BTN3A1: variants seen among roughly 807,000 people sequenced by gnomAD.
BTN3A1 encodes butyrophilin subfamily 3 member A1.
In BTN3A1, 24 loss-of-function variants were observed where a neutral mutation model predicts 43.0. The ratio of observed to expected loss-of-function variants is 0.56; its 90% CI spans 0.40 to 0.78. The LOEUF (loss-of-function observed/expected upper bound fraction) is 0.78. Ranked by LOEUF, BTN3A1 falls within the 30% of genes least tolerant of loss-of-function variation. BTN3A1 has a pLI of 0.00. For missense variants in BTN3A1, 533 were observed against 626.2 expected (o/e 0.85, Z 1.59); for synonymous variants, 181 against 234.7 (o/e 0.77, Z 2.09).
intron 3 of BTN3A1, among the ~76,000 whole-genome samples, chr6:26,407,116 T>A (rs1393204693): frequency 6.6e-6 from 1 of 152,228 alleles, no homozygotes; most frequent in East Asian, 1.9e-4. Flanking sequence ...CAAAGTGCCA[T>A]CATCTGATGC....
intron 4 of BTN3A1, among the ~76,000 whole-genome samples, chr6:26,408,635 T>C (rs555874130): frequency 2.0e-5 from 3 of 152,244 alleles, no homozygotes; most frequent in Non-Finnish European, 4.4e-5. Flanking sequence ...GGAATTTATT[T>C]GGTAGATAAG....
At chr6:26,411,447 G>C in intron 8 of BTN3A1, 108 bp from the exon 9 acceptor site, 1 of 1,390,224 alleles carries the variant, frequency 7.2e-7, no homozygotes, top group Non-Finnish European at 1.0e-6. Flanking sequence ...CTGGACCCTG[G>C]AAGAGACTCT....
At chr6:26,407,107 A>G (rs1230062609) in intron 3 of BTN3A1, among the ~76,000 whole-genome samples, 2 of 152,220 alleles carry the variant, frequency 1.3e-5, no homozygotes, top group African/African-American at 4.8e-5. Flanking sequence ...TCATAGTCAC[A>G]AAGTGCCATC....
Position 26,410,033 on chromosome 6 carries a change from G to A in BTN3A1, c.964+1G>A, listed in dbSNP as rs772440592. On this transcript the variant is annotated splice_donor_variant, in intron 7 of 9. Transcript: ENST00000289361. LOFTEE classifies it high-confidence loss of function. ...TGGAGAAGTATCCAGTATGCATCTC[G>A]TAAGTGCCTCTGACATTTTCTCTGA... 5.0e-6 allele frequency: 8 copies of A among 1,613,998 alleles called. No homozygotes were observed. The highest frequency in any genetic ancestry group is 5.9e-6 in the Non-Finnish European group (7 of 1,179,972).
rs1363255875 is a variant in BTN3A1, at chr6:26,410,009, G to A, written c.941G>A (p.Trp314Ter). 6.2e-7 allele frequency: 1 copy of A among 1,614,008 alleles called. No individual in the cohort carries two copies. Among genetic ancestry groups the A allele is most frequent in the African/African-American group, 1.3e-5 (1 of 74,896 alleles). Residue 314 changes from tryptophan to a stop codon, truncating the protein, a stop_gained, in exon 7 of 10, where the codon TGG (tryptophan) becomes TAG (stop). Transcript: ENST00000289361. LOFTEE classifies it high-confidence loss of function. ...TRVKLLEELR[W>*]RSIQYASRGE... Reference sequence around the variant, plus strand: ...TCCCCTGTTCCTTCCGTTGCAGGATGGAGAAGTATCCAGTATGCATCTCGT... The same window carrying A: ...TCCCCTGTTCCTTCCGTTGCAGGATAGAGAAGTATCCAGTATGCATCTCGT...
chr6:26,405,078 G>T (rs1256451224), intron 1 of BTN3A1, among the ~76,000 whole-genome samples: 1 of 152,212 alleles, frequency 6.6e-6, no homozygotes, highest in Non-Finnish European at 1.5e-5. Context: ...CCCCCACCAA[G>T]CAGTCTTCCT....
chr6:26,414,128 A>AATG lies in BTN3A1; in HGVS notation c.*438_*439insGAT. 1 of 229,394 alleles carries AATG rather than the reference A, an allele frequency of 4.4e-6. No individual in the cohort carries two copies. Among genetic ancestry groups the AATG allele is most frequent in the South Asian group, 5.9e-5 (1 of 16,938 alleles). The allele number at this position is 229,394 out of a possible 1,614,324, so 14.2% of individuals were successfully genotyped here. ...GAGCTTTGGTGGATGTCACTCCTTTAATCCTCGCAACACCCTGTCGGGTAG... is the reference window on the plus strand; with the variant it reads ...GAGCTTTGGTGGATGTCACTCCTTTAATGATCCTCGCAACACCCTGTCGGGTAG... On this transcript the variant is annotated 3_prime_UTR_variant, in exon 10 of 10. Transcript: ENST00000289361.
chr6:26,403,296 C>T (rs1424725974), intron 1 of BTN3A1, among the ~76,000 whole-genome samples: 2 of 152,054 alleles, frequency 1.3e-5, no homozygotes, highest in African/African-American at 4.8e-5. Context: ...AAACTCCTGA[C>T]CTCAGGTGAT....
At position 26,413,170 on chromosome 6, in the gene BTN3A1, G is replaced by A. The variant is rs551529166; in HGVS notation, c.1020G>A (p.Ala340=). The part of the protein sequence containing the change: ...NEWKKALFKP[A]DVILDPKTAN... ...GACACTTCCTCAAACTCTCTGCAGC[G>A]GATGTGATTCTGGATCCAAAAACAG... The change falls in exon 10 of 10, where the codon GCG becomes GCA. Residue 340 remains alanine, a splice_region_variant and synonymous_variant. Transcript: ENST00000289361. 24 of 1,610,170 alleles carry A rather than the reference G, an allele frequency of 1.5e-5. No homozygotes were observed. The highest frequency in any genetic ancestry group is 9.3e-5 in the African/African-American group (7 of 74,968).
chr6:26,409,714 G>A lies in BTN3A1; in HGVS notation c.897G>A (p.Lys299=). 5 of 1,575,392 alleles carry A rather than the reference G, an allele frequency of 3.2e-6. No homozygotes were observed. The highest frequency in any genetic ancestry group is 4.3e-6 in the Non-Finnish European group (5 of 1,164,574). Reference sequence around the variant, plus strand: ...GAGAAATGGCATGGAGCACAATGAAGCAAGAACAAAGCACAAGAGGTAGCT... The same window carrying A: ...GAGAAATGGCATGGAGCACAATGAAACAAGAACAAAGCACAAGAGGTAGCT... ...ELREMAWSTM[K]QEQSTRVKLL... Residue 299 remains lysine, a synonymous_variant, in exon 5 of 10, where the codon AAG becomes AAA. Transcript: ENST00000289361.
At chr6:26,412,526 G>C in intron 9 of BTN3A1, 4 of 1,550,138 alleles carry the variant, frequency 2.6e-6, no homozygotes, top group Middle Eastern at 2.0e-4. Flanking sequence ...GGTGGAGAAA[G>C]CTGAAGGGTG....
chr6:26,407,885 G>A lies in BTN3A1; in HGVS notation c.648G>A (p.Glu216=), dbSNP rs1762075467. 6.2e-7 allele frequency: 1 copy of A among 1,614,218 alleles called. No homozygotes were observed. Among genetic ancestry groups the A allele is most frequent in the Non-Finnish European group, 8.5e-7 (1 of 1,180,030 alleles). ...ASVIMRGSSG[E]GVSCTIRSSL... Reference sequence around the variant, plus strand: ...TGATCATGAGAGGCAGCTCTGGGGAGGGTGTATCCTGTACCATCAGAAGTT... The same window carrying A: ...TGATCATGAGAGGCAGCTCTGGGGAAGGTGTATCCTGTACCATCAGAAGTT... The change falls in exon 4 of 10, where the codon GAG becomes GAA. Residue 216 remains glutamate (E), a synonymous_variant. Coordinates refer to ENST00000289361, the MANE Select transcript of BTN3A1 (RefSeq NM_007048.6).
chr6:26,404,909 T>G (rs1481215642), intron 1 of BTN3A1, among the ~76,000 whole-genome samples: 1 of 152,244 alleles, frequency 6.6e-6, no homozygotes, highest in African/African-American at 2.4e-5. Context: ...AACCCTTATA[T>G]CATGGGCCTG....
chr6:26,405,689 AC>A (rs1484233332), intron 2 of BTN3A1, 41 bp downstream of exon 2: 6 of 1,608,514 alleles, frequency 3.7e-6, no homozygotes, highest in Non-Finnish European at 5.1e-6. Flanking sequence ...GCAGACAATT[AC>A]CTAATTATGT....
Position 26,414,035 on chromosome 6 carries a change from C to A in BTN3A1, c.*343C>A, listed in dbSNP as rs184927970. ...AAGTAGACATGACTAGTTAACAACA[C>A]AGCTGGGATCTAAACAGCAATAACT... On this transcript the variant is annotated 3_prime_UTR_variant, in exon 10 of 10. Coordinates refer to ENST00000289361, the MANE Select transcript of BTN3A1 (RefSeq NM_007048.6). 1.4e-5 allele frequency: 5 copies of A among 352,508 alleles called. No individual in the cohort carries two copies. The highest frequency in any genetic ancestry group is 4.2e-5 in the African/African-American group (2 of 47,488). 21.8% of individuals were successfully genotyped at this position (352,508 alleles called of 1,614,324 possible).
intron 1 of BTN3A1, 147 bp downstream of exon 1, chr6:26,402,559 G>A (rs1761889829): frequency 6.6e-6 from 1 of 152,268 alleles, no homozygotes; most frequent in African/African-American, 2.4e-5. Context: ...GCACACATGT[G>A]GACACATGGA....
chr6:26,410,104 C>G (rs1034767669), intron 7 of BTN3A1, 72 bp downstream of exon 7: 8 of 1,589,550 alleles, frequency 5.0e-6, no homozygotes, highest in Non-Finnish European at 5.2e-6. Context: ...CCACTCTTAA[C>G]TCTTTCCCCA....
intron 4 of BTN3A1, 115 bp from the exon 5 acceptor site, chr6:26,409,418 C>G: frequency 1.0e-6 from 1 of 988,112 alleles, no homozygotes; most frequent in Non-Finnish European, 1.6e-6. Context: ...TATTTAACCT[C>G]ATGAGATAGA....
chr6:26,408,103 C>A, intron 4 of BTN3A1, 151 bp downstream of exon 4: 1 of 1,266,306 alleles, frequency 7.9e-7, no homozygotes, highest in Non-Finnish European at 1.1e-6. Context: ...ACCGGGGGAG[C>A]TTCTCTTCTC....
Sources: allele counts gnomAD v4.1 joint callset (sites outside exome capture counted in the v4.1 genomes callset), GRCh38; gene constraint gnomAD v4.1.1; transcripts MANE v1.5; gene names NCBI Gene and HGNC (gene_info 2026-07-23, HGNC 2026-07-21).